The following NFIB variants were observed in gnomAD, a reference collection of about 807,000 sequenced individuals.
The protein encoded by NFIB is nuclear factor 1 B-type.
In NFIB, 11 loss-of-function variants were observed where a neutral mutation model predicts 61.5. The observed-to-expected ratio is 0.18, with a 90% CI of 0.11 to 0.30. The LOEUF is 0.30. Among genes scored for constraint, NFIB ranks in the 10% least tolerant of loss-of-function variants. The probability of loss-of-function intolerance (pLI) is 1.00; values close to 1 mark genes in which losing one functional copy is unlikely to be tolerated. For missense variants in NFIB, 471 were observed against 608.9 expected (o/e 0.77, Z 2.38); for synonymous variants, 260 against 216.5 (o/e 1.20, Z -1.76).
chr9:14,207,252 T>C (rs1196129916), intron 2 of NFIB, among the ~76,000 whole-genome samples: 1 of 152,192 alleles, frequency 6.6e-6, no homozygotes, highest in Admixed American at 6.5e-5. Context: ...AATTACTGTC[T>C]TCCCAAATTA....
At chr9:14,218,159 T>C (rs1336057766) in intron 2 of NFIB, among the ~76,000 whole-genome samples, 1 of 152,196 alleles carries the variant, frequency 6.6e-6, no homozygotes, top group Non-Finnish European at 1.5e-5. Flanking sequence ...TTGGAAGGCA[T>C]ACTTTTTCCC....
At chr9:14,505,315 CT>C in the NFIB span, among the ~76,000 whole-genome samples, 1 of 152,048 alleles carries the variant, frequency 6.6e-6, no homozygotes, top group Non-Finnish European at 1.5e-5. Flanking sequence ...CTGTAGTTTT[CT>C]TTTTTTGTTA....
the NFIB span, among the ~76,000 whole-genome samples, chr9:14,440,790 G>C: frequency 6.6e-6 from 1 of 152,180 alleles, no homozygotes; most frequent in African/African-American, 2.4e-5. Flanking sequence ...CTTTGTTCAT[G>C]ATGAAGTTTA....
the NFIB span, among the ~76,000 whole-genome samples, chr9:14,530,971 G>A: frequency 3.9e-5 from 6 of 152,134 alleles, no homozygotes; most frequent in African/African-American, 9.7e-5. Flanking sequence ...ACCCAATGAC[G>A]AATTTAATAG....
the NFIB span, among the ~76,000 whole-genome samples, chr9:14,506,209 A>G: frequency 2.0e-5 from 3 of 152,222 alleles, no homozygotes; most frequent in African/African-American, 7.2e-5. Context: ...TACAATTGAC[A>G]TAAGTCTTGC....
chr9:14,172,415 A>G (rs1296264724), intron 3 of NFIB, among the ~76,000 whole-genome samples: 2 of 152,204 alleles, frequency 1.3e-5, no homozygotes, highest in Non-Finnish European at 2.9e-5. Context: ...ATGGCTTCAT[A>G]AAGTAGAAAC....
chr9:14,323,746 A>C (rs2060714826), intron 1 of NFIB, among the ~76,000 whole-genome samples: 2 of 152,366 alleles, frequency 1.3e-5, no homozygotes, highest in South Asian at 2.1e-4. Flanking sequence ...TAGAGAACTT[A>C]AACGACATTG....
At chr9:14,237,849 G>A (rs1162899991) in intron 2 of NFIB, among the ~76,000 whole-genome samples, 3 of 121,936 alleles carry the variant, frequency 2.5e-5, no homozygotes, top group African/African-American at 6.8e-5. Context: ...AACAGTGTGT[G>A]TGTGTGTGTG....
rs746707584 is a variant in NFIB at position 14,155,927 on chromosome 9, A to G, written c.617-34T>C. The G allele has an allele frequency of 3.8e-6, 5 of 1,321,156 alleles. No individual in the cohort carries two copies. In the Admixed American group the frequency reaches 1.1e-4, roughly 28 times the overall value. The allele number at this position is 1,321,156 out of a possible 1,614,324, so 81.8% of individuals were successfully genotyped here. A position where few individuals can be genotyped will look rare whatever the true frequency, so the allele number is the denominator to read the frequency against. On this transcript the variant is annotated intron_variant, in intron 3 of 10. Transcript: ENST00000380953. Reference sequence around the variant, plus strand: ...AAATATTAAAGGAAAAATGATCAATATAAGCAGAAAGTAAAATAAATGATT... The same window carrying G: ...AAATATTAAAGGAAAAATGATCAATGTAAGCAGAAAGTAAAATAAATGATT...
chr9:14,255,272 G>A (rs1024177137), intron 2 of NFIB, among the ~76,000 whole-genome samples: 1 of 152,244 alleles, frequency 6.6e-6, no homozygotes, highest in Middle Eastern at 3.4e-3. Context: ...ACCATGAGGA[G>A]TTAACACTTG....
intron 1 of NFIB, among the ~76,000 whole-genome samples, chr9:14,394,860 A>C (rs2061664218): frequency 6.6e-6 from 1 of 152,218 alleles, no homozygotes; most frequent in South Asian, 2.1e-4. Flanking sequence ...TCCTTGTTTA[A>C]AAGTTCCTGA....
the NFIB span, among the ~76,000 whole-genome samples, chr9:14,417,774 G>GTTT: frequency 0.019 from 1,766 of 91,512 alleles, 11 homozygotes; most frequent in African/African-American, 0.022. Context: ...CCTAGGAACA[G>GTTT]TTTTTTTTTT....
chr9:14,499,483 A>G, the NFIB span, among the ~76,000 whole-genome samples: 1 of 152,218 alleles, frequency 6.6e-6, no homozygotes, highest in African/African-American at 2.4e-5. Flanking sequence ...AACAGGGGAC[A>G]GGCAGAAGTC....
At chr9:14,176,737 A>T (rs1563867534) in intron 3 of NFIB, among the ~76,000 whole-genome samples, 6 of 152,142 alleles carry the variant, frequency 3.9e-5, no homozygotes, top group Admixed American at 2.6e-4. Flanking sequence ...CAGAAGTTCT[A>T]AGTCAGTAAG....
At chr9:14,467,308 C>G in the NFIB span, among the ~76,000 whole-genome samples, 6 of 152,212 alleles carry the variant, frequency 3.9e-5, no homozygotes, top group East Asian at 9.7e-4. Context: ...GTTCCTCTTC[C>G]CAGCACAGCC....
intron 2 of NFIB, among the ~76,000 whole-genome samples, chr9:14,187,025 G>GTA (rs33914247): frequency 0.01 from 156 of 15,014 alleles, 1 homozygote; most frequent in African/African-American, 0.019. Context: ...GTGTGTGTGT[G>GTA]TATGTGTGTG....
rs117783762 is a variant in NFIB, at chr9:14,332,570, G to A, written c.109-25050C>T. Among the ~76,000 whole-genome samples, 27 of 152,266 alleles carry A rather than the reference G, an allele frequency of 1.8e-4. No homozygotes were observed. The East Asian group carries it at 3.9e-3, about 22-fold the overall frequency. ...CCACGCCCTGTGCTCAAGTTGAGAC[G>A]GGAGCAGTGAGGACCGGAGCAGTGT... On this transcript the variant is annotated intron_variant, in intron 1 of 8. Coordinates refer to the NFIB transcript ENST00000380934.
At chr9:14,433,431 G>T in the NFIB span, among the ~76,000 whole-genome samples, 1 of 152,120 alleles carries the variant, frequency 6.6e-6, no homozygotes, top group Admixed American at 6.6e-5. Flanking sequence ...TTAAATTACA[G>T]CCAGTTCATA....
At chr9:14,193,735 T>C (rs2048195617) in intron 2 of NFIB, among the ~76,000 whole-genome samples, 1 of 152,196 alleles carries the variant, frequency 6.6e-6, no homozygotes. Context: ...ACCAAAACTT[T>C]AGAATCACAT....
Sources: allele counts gnomAD v4.1 joint callset (sites outside exome capture counted in the v4.1 genomes callset), GRCh38; gene constraint gnomAD v4.1.1; transcripts MANE v1.5; gene names NCBI Gene and HGNC (gene_info 2026-07-23, HGNC 2026-07-21).